Variants in ULK4 observed in about 807,000 individuals in gnomAD.
The protein encoded by ULK4 is unc-51 like kinase 4, also known as inactive serine/threonine-protein kinase ULK4.
A neutral mutation model predicts 160.6 loss-of-function variants in ULK4; 133 were observed. The observed-to-expected ratio is 0.83, with a 90% CI of 0.72 to 0.96. The LOEUF (loss-of-function observed/expected upper bound fraction) is 0.96. ULK4 is among the 40% of genes least tolerant of loss of function. ULK4 has a pLI of 0.00. For synonymous variants in ULK4, 534 were observed against 539.8 expected (o/e 0.99, Z 0.15); for missense variants, 1,580 against 1,499.5 (o/e 1.05, Z -0.89).
chr3:41,884,456 T>G (rs1007303186), intron 16 of ULK4, among the ~76,000 whole-genome samples: 16 of 152,226 alleles, frequency 1.1e-4, no homozygotes, highest in African/African-American at 3.9e-4. Context: ...AACACTAGTT[T>G]TAATGAGGTG....
intron 35 of ULK4, among the ~76,000 whole-genome samples, chr3:41,381,862 G>A (rs757561113): frequency 1.3e-4 from 20 of 151,920 alleles, no homozygotes; most frequent in African/African-American, 4.6e-4. Flanking sequence ...TTTCCTCCAC[G>A]ACACCCTTCC....
intron 1 of ULK4, among the ~76,000 whole-genome samples, chr3:41,958,336 G>A: frequency 6.6e-6 from 1 of 152,194 alleles, no homozygotes; most frequent in East Asian, 1.9e-4. Flanking sequence ...CTTAAAAAGG[G>A]TTAAGATGGT....
intron 35 of ULK4, among the ~76,000 whole-genome samples, chr3:41,387,142 A>G (rs960414528): frequency 6.6e-6 from 1 of 152,184 alleles, no homozygotes; most frequent in Non-Finnish European, 1.5e-5. Context: ...TGGGGTACAC[A>G]GTAAGGTTTC....
chr3:41,911,821 A>G (rs996341823), intron 9 of ULK4, among the ~76,000 whole-genome samples, 162 bp from the exon 10 acceptor site: 1 of 152,190 alleles, frequency 6.6e-6, no homozygotes, highest in African/African-American at 2.4e-5. Flanking sequence ...ATAGCCATCA[A>G]AGACCGGCAG....
chr3:41,601,726 A>G (rs1235088004), intron 31 of ULK4, among the ~76,000 whole-genome samples: 1 of 152,176 alleles, frequency 6.6e-6, no homozygotes, highest in Non-Finnish European at 1.5e-5. Flanking sequence ...ACACACTTGA[A>G]TTAAGAGACA....
At chr3:41,448,945 G>A (rs2083365916) in intron 34 of ULK4, among the ~76,000 whole-genome samples, 2 of 152,038 alleles carry the variant, frequency 1.3e-5, no homozygotes, top group Non-Finnish European at 1.5e-5. Context: ...GAGTGCAACG[G>A]CACCATCTCA....
chr3:41,875,711 TG>T (rs58811091), intron 17 of ULK4, among the ~76,000 whole-genome samples: 28,625 of 151,520 alleles, frequency 0.19, 2,778 homozygotes, highest in Middle Eastern at 0.32. Flanking sequence ...ATTTCCTGAA[TG>T]TTTTTTTTTA....
intron 32 of ULK4, among the ~76,000 whole-genome samples, chr3:41,543,872 T>G (rs536638074): frequency 7.9e-5 from 12 of 152,304 alleles, no homozygotes; most frequent in Non-Finnish European, 1.0e-4. Flanking sequence ...TCCATTTGGT[T>G]CATTTTGATA....
In ULK4 at chr3:41,954,670, T is replaced by G; in HGVS notation, c.90A>C (p.Val30=). The G allele has an allele frequency of 6.2e-7, 1 of 1,614,044 alleles. No homozygotes were observed. The highest frequency in any genetic ancestry group is 1.7e-5 in the Admixed American group (1 of 60,010). ...KGRRKGTINF[V]AILCTDKCKR... is the part of the protein sequence containing the mutation. The stretch of plus-strand genomic sequence containing the variant: ...TGCACTTATCAGTACAAAGAATGGC[T>G]ACAAAATTGATTGTTCCCTTCCGTC... The change falls in exon 2 of 37, where the codon GTA becomes GTC. Residue 30 remains valine (V), a synonymous_variant. Coordinates refer to ENST00000301831, the MANE Select transcript of ULK4 (RefSeq NM_017886.4).
At chr3:41,689,386 T>C (rs554998384) in intron 27 of ULK4, among the ~76,000 whole-genome samples, 3 of 152,354 alleles carry the variant, frequency 2.0e-5, no homozygotes, top group East Asian at 3.9e-4. Context: ...GGAGGGTTTA[T>C]AGCAGCAACA....
intron 20 of ULK4, among the ~76,000 whole-genome samples, chr3:41,794,240 G>A (rs1003666026): frequency 6.6e-6 from 1 of 152,144 alleles, no homozygotes; most frequent in Non-Finnish European, 1.5e-5. Flanking sequence ...TGCTCCCTCA[G>A]CACTAAGCCT....
chr3:41,597,477 A>T (rs1000735783), intron 31 of ULK4, among the ~76,000 whole-genome samples: 1 of 152,196 alleles, frequency 6.6e-6, no homozygotes, highest in Non-Finnish European at 1.5e-5. Flanking sequence ...ACCTCCGCAT[A>T]GCCCATCCCA....
chr3:41,794,028 G>A (rs2040223216), intron 20 of ULK4, among the ~76,000 whole-genome samples: 1 of 152,196 alleles, frequency 6.6e-6, no homozygotes, highest in South Asian at 2.1e-4. Context: ...TCCCCAGGGG[G>A]ACTCTCGTGC....
intron 21 of ULK4, among the ~76,000 whole-genome samples, chr3:41,776,598 C>T (rs1400042618): frequency 8.7e-6 from 1 of 115,272 alleles, no homozygotes; most frequent in Non-Finnish European, 2.0e-5. Flanking sequence ...TACGTCCCAT[C>T]AATACCTAAT....
intron 35 of ULK4, among the ~76,000 whole-genome samples, chr3:41,397,418 A>C (rs2082085913): frequency 6.6e-6 from 1 of 152,152 alleles, no homozygotes; most frequent in Non-Finnish European, 1.5e-5. Context: ...AAGTGATCAA[A>C]ATTAATACCA....
Position 41,301,540 on chromosome 3 carries a change from G to C in ULK4, c.3679-51966C>G, listed in dbSNP as rs76510764. 8.6e-3 allele frequency among the ~76,000 whole-genome samples: 1,302 copies of C among 152,174 alleles called. 11 individuals are homozygous for C. Among genetic ancestry groups the C allele is most frequent in the African/African-American group, 0.022 (921 of 41,502 alleles). ...CAATCAGACAATAGCTTAAGCACTG[G>C]GTAGAAGAGTTGATCATTATTTTCT... On this transcript the variant is annotated intron_variant, in intron 35 of 36. Coordinates refer to ENST00000301831, the MANE Select transcript of ULK4 (RefSeq NM_017886.4).
intron 22 of ULK4, among the ~76,000 whole-genome samples, chr3:41,724,409 C>T (rs528251383): frequency 2.1e-4 from 32 of 152,124 alleles, no homozygotes; most frequent in South Asian, 4.1e-4. Flanking sequence ...TCAATTTATA[C>T]TCCAACAGGT....
At chr3:41,581,574 T>A (rs1044457950) in intron 31 of ULK4, among the ~76,000 whole-genome samples, 1 of 152,154 alleles carries the variant, frequency 6.6e-6, no homozygotes, top group South Asian at 2.1e-4. Context: ...AAAAAAATAA[T>A]CTCCACTGCA....
In ULK4 at chr3:41,736,771, C is replaced by G. The variant is rs552171356; in HGVS notation, c.2321+17590G>C. 1.3e-3 allele frequency among the ~76,000 whole-genome samples: 199 copies of G among 151,370 alleles called. 4 individuals are homozygous for G. Among genetic ancestry groups the G allele is most frequent in the African/African-American group, 4.7e-3 (192 of 40,810 alleles). On this transcript the variant is annotated intron_variant, in intron 22 of 36. Transcript: ENST00000301831. ...TTTAGACATGAAGTCCTTGCCCATG[C>G]CTATGTCCTGAATGGTATTGCCTAG... is the stretch of plus-strand genomic sequence containing the variant.
Sources: allele counts gnomAD v4.1 joint callset (sites outside exome capture counted in the v4.1 genomes callset), GRCh38; gene constraint gnomAD v4.1.1; transcripts MANE v1.5; gene names NCBI Gene and HGNC (gene_info 2026-07-23, HGNC 2026-07-21).